The following PPP2R2C variants were observed in gnomAD, a reference collection of about 807,000 sequenced individuals.
PPP2R2C encodes the protein protein phosphatase 2, regulatory subunit B, gamma.
In PPP2R2C, 10 loss-of-function variants were observed where a neutral mutation model predicts 45.3. That is an observed-to-expected ratio of 0.22 (90% CI 0.14 to 0.37). PPP2R2C has a LOEUF of 0.37. PPP2R2C is among the 10% of genes least tolerant of loss of function. The pLI, the probability that PPP2R2C is intolerant of heterozygous loss-of-function variation, is 1.00. For synonymous variants in PPP2R2C, 257 were observed against 245.4 expected (o/e 1.05, Z -0.44); for missense variants, 308 against 619.7 (o/e 0.50, Z 5.34).
chr4:6,478,018 A>G (rs1722222783), intron 2 of PPP2R2C, among the ~76,000 whole-genome samples: 1 of 152,076 alleles, frequency 6.6e-6, no homozygotes, highest in African/African-American at 2.4e-5. Flanking sequence ...CTCAGCTCAA[A>G]GGTCTTCACA....
chr4:6,349,370 T>C (rs1351341688), intron 5 of PPP2R2C: 4 of 973,188 alleles, frequency 4.1e-6, no homozygotes, highest in Non-Finnish European at 4.9e-6. Context: ...ATCTGTAAAA[T>C]GAGTCAGCAG....
chr4:6,477,246 T>C (rs1722191879), upstream of PPP2R2C, among the ~76,000 whole-genome samples: 1 of 152,108 alleles, frequency 6.6e-6, no homozygotes, highest in Non-Finnish European at 1.5e-5. Context: ...CAAGATTCTC[T>C]TCAAAAGAAA....
At chr4:6,421,132 C>T (rs1577169421) in intron 1 of PPP2R2C, 2 of 984,902 alleles carry the variant, frequency 2.0e-6, no homozygotes, top group South Asian at 9.4e-5. Flanking sequence ...GGTATGAGCC[C>T]TAGGCTCAGC....
At chr4:6,476,388 C>T (rs1421503098), upstream of PPP2R2C, among the ~76,000 whole-genome samples, 5 of 152,100 alleles carry the variant, frequency 3.3e-5, no homozygotes, top group Admixed American at 6.5e-5. Context: ...GTGATTAGGT[C>T]CCAAGGGTGG....
In PPP2R2C at chr4:6,375,940, A is replaced by C; in HGVS notation, c.335-9T>G. On this transcript the variant is annotated splice_polypyrimidine_tract_variant and intron_variant, in intron 3 of 8. Coordinates refer to ENST00000382599, the MANE Select transcript of PPP2R2C (RefSeq NM_020416.4). ...TAATTTGATAGTTTTATCTTTAAAA[A>C]CAGAACAAAATAAAGCGAGTCACAT... The C allele has an allele frequency of 6.2e-7, 1 of 1,600,276 alleles. No homozygotes were observed. The highest frequency in any genetic ancestry group is 1.1e-5 in the South Asian group (1 of 90,504).
At chr4:6,466,088 G>A (rs1202077409) in intron 1 of PPP2R2C, among the ~76,000 whole-genome samples, 1 of 152,334 alleles carries the variant, frequency 6.6e-6, no homozygotes, top group African/African-American at 2.4e-5. Flanking sequence ...ATGCCTTGGA[G>A]CATTATTTGA....
In PPP2R2C at chr4:6,386,008, T is replaced by C. The variant is rs1360665109; in HGVS notation, c.71-4914A>G. Among the ~76,000 whole-genome samples the C allele has an allele frequency of 3.9e-5, 6 of 152,132 alleles. No homozygotes were observed. The East Asian group carries it at 9.6e-4, about 24-fold the overall frequency. ...ATGGTTGACCACATTAACTCACATT[T>C]CTTAAGTGATTACTGTCTGCCAGGC... On this transcript the variant is annotated intron_variant, in intron 1 of 8. Coordinates refer to ENST00000382599, the MANE Select transcript of PPP2R2C (RefSeq NM_020416.4).
At chr4:6,507,836 G>A (rs1723289378) in intron 2 of PPP2R2C, among the ~76,000 whole-genome samples, 1 of 152,200 alleles carries the variant, frequency 6.6e-6, no homozygotes, top group South Asian at 2.1e-4. Context: ...GACCCTCTGG[G>A]TAAATCATGT....
At chr4:6,325,418 G>A (rs982493927) in intron 8 of PPP2R2C, among the ~76,000 whole-genome samples, 5 of 152,178 alleles carry the variant, frequency 3.3e-5, no homozygotes, top group Non-Finnish European at 7.4e-5. Flanking sequence ...TCCCACAGAA[G>A]GGCCCTGCCC....
intron 1 of PPP2R2C, among the ~76,000 whole-genome samples, chr4:6,542,880 A>G (rs1240681137): frequency 2.0e-5 from 3 of 152,218 alleles, no homozygotes; most frequent in Admixed American, 6.5e-5. Flanking sequence ...TTAGATATTT[A>G]CAACCCATTT....
intron 1 of PPP2R2C, among the ~76,000 whole-genome samples, chr4:6,544,268 A>C (rs1724903510): frequency 6.6e-6 from 1 of 152,188 alleles, no homozygotes; most frequent in East Asian, 1.9e-4. Flanking sequence ...TATCTCTTTC[A>C]GTTCCAGCTA....
intron 1 of PPP2R2C, among the ~76,000 whole-genome samples, chr4:6,398,114 C>T (rs1717168285): frequency 6.6e-6 from 1 of 152,208 alleles, no homozygotes; most frequent in African/African-American, 2.4e-5. Context: ...ATCTGACAAA[C>T]TGACATTGAA....
At position 6,368,966 on chromosome 4, in the gene PPP2R2C, T is replaced by C. The variant is rs1714574647; in HGVS notation, c.625+3557A>G. ...CGGCACAGCCTCCAGTAATGTAATA[T>C]AGATGCAGACGGGGAGACAGGATTC... On this transcript the variant is annotated intron_variant, in intron 5 of 8. Coordinates refer to ENST00000382599, the MANE Select transcript of PPP2R2C (RefSeq NM_020416.4). The surrounding 1 kb of genome is among the most constrained non-coding windows in gnomAD (Gnocchi z 4.2). Among the ~76,000 whole-genome samples, 1 of 152,166 alleles carries C rather than the reference T, an allele frequency of 6.6e-6. No individual in the cohort carries two copies. Among genetic ancestry groups the C allele is most frequent in the African/African-American group, 2.4e-5 (1 of 41,430 alleles).
intron 6 of PPP2R2C, among the ~76,000 whole-genome samples, chr4:6,336,554 C>T (rs1023952150): frequency 6.6e-6 from 1 of 151,892 alleles, no homozygotes; most frequent in African/African-American, 2.4e-5. Context: ...ACCCTGGGTA[C>T]AGGCAGGGCC....
At chr4:6,425,258 C>T (rs930645534) in intron 1 of PPP2R2C, among the ~76,000 whole-genome samples, 16 of 152,184 alleles carry the variant, frequency 1.1e-4, no homozygotes, top group African/African-American at 3.6e-4. Flanking sequence ...TGTGCACGCC[C>T]AGGAGCAGGC....
intron 1 of PPP2R2C, among the ~76,000 whole-genome samples, chr4:6,438,349 G>T (rs538022207): frequency 2.8e-4 from 42 of 152,290 alleles, no homozygotes; most frequent in African/African-American, 9.6e-4. Context: ...TACACTAATG[G>T]CTGAACATCA....
intron 2 of PPP2R2C, among the ~76,000 whole-genome samples, chr4:6,512,317 A>T (rs1445732783): frequency 1.6e-5 from 1 of 62,898 alleles, no homozygotes; most frequent in Non-Finnish European, 3.3e-5. Flanking sequence ...GGTGGTGATT[A>T]TGGTGGTAGT....
At chr4:6,413,892 C>G in intron 1 of PPP2R2C, 3 of 1,536,056 alleles carry the variant, frequency 2.0e-6, no homozygotes, top group South Asian at 2.4e-5. Flanking sequence ...TGCCCCACAG[C>G]CCCTGCTCAC....
At position 6,469,493 on chromosome 4, in the gene PPP2R2C, C is replaced by T. The variant is rs1030990334; in HGVS notation, c.70+2667G>A. On this transcript the variant is annotated intron_variant, in intron 1 of 8. Transcript: ENST00000382599. ...GTTTGCCCACAGGCTCTTCCAGTTA[C>T]AAGGCATATAAATAATAACAATGCC... 1.3e-5 allele frequency among the ~76,000 whole-genome samples: 2 copies of T among 152,194 alleles called. 1 individual carries two copies. Among genetic ancestry groups the T allele is most frequent in the Non-Finnish European group, 2.9e-5 (2 of 68,050 alleles).
Sources: allele counts gnomAD v4.1 joint callset (sites outside exome capture counted in the v4.1 genomes callset), GRCh38; gene constraint gnomAD v4.1.1; non-coding constraint Gnocchi (gnomAD v3.1); transcripts MANE v1.5; gene names NCBI Gene and HGNC (gene_info 2026-07-23, HGNC 2026-07-21).